Variants in ZNF878 observed in about 807,000 individuals in gnomAD.
ZNF878 encodes zinc finger protein 878.
ZNF878 carries 10 observed loss-of-function variants against 11.1 expected under a neutral mutation model. The observed-to-expected ratio is 0.90, with a 90% confidence interval of 0.56 to 1.53. The LOEUF is 1.53. Among genes scored for constraint, ZNF878 ranks in the 40% most tolerant of loss-of-function variants. The pLI, the probability that ZNF878 is intolerant of heterozygous loss-of-function variation, is 0.00. For synonymous variants in ZNF878, 165 were observed against 209.7 expected, an observed-to-expected ratio of 0.79 and a Z score of 1.84; for missense variants, 548 against 626.1, an observed-to-expected ratio of 0.88 and a Z score of 1.33.
intron 3 of ZNF878, 137 bp downstream of exon 3, chr19:12,046,231 T>A: frequency 1.5e-6 from 1 of 669,874 alleles, no homozygotes; most frequent in Non-Finnish European, 2.5e-6. Flanking sequence ...TCACACTTTA[T>A]ATGTTTCTAG....
intron 1 of ZNF878, among the ~76,000 whole-genome samples, chr19:12,048,844 AAAAGAAAAG>A (rs1177463521): frequency 0.031 from 4,646 of 148,028 alleles, 263 homozygotes; most frequent in African/African-American, 0.12. Flanking sequence ...AAAAAAAAAA[AAAAGAAAAG>A]AAAAAGAAAA....
In ZNF878 at chr19:12,044,570, G is replaced by A; in HGVS notation, c.831C>T (p.His277=). 3 of 1,614,050 alleles carry A rather than the reference G, an allele frequency of 1.9e-6. No homozygotes were observed. The South Asian group carries it at 3.3e-5, about 18-fold the overall frequency. The change falls in exon 4 of 4, where the codon CAC becomes CAT. Residue 277 remains histidine (H), a synonymous_variant. Coordinates refer to ENST00000547628, the MANE Select transcript of ZNF878 (RefSeq NM_001080404.3). ...TACACTCATAGGGTTTCTCTCCACT[G>A]TGAGTCCTTTCATGATATTGAAAGG... ...PSSFQYHERT[H]SGEKPYECTQ...
chr19:12,048,626 G>A (rs971693185), intron 1 of ZNF878, among the ~76,000 whole-genome samples: 7 of 151,868 alleles, frequency 4.6e-5, no homozygotes, highest in African/African-American at 1.7e-4. Context: ...CTGAGCTCAG[G>A]AGTTCGAGAC....
At chr19:12,050,756 C>T (rs1975541475) in intron 1 of ZNF878, among the ~76,000 whole-genome samples, 1 of 152,138 alleles carries the variant, frequency 6.6e-6, no homozygotes, top group Non-Finnish European at 1.5e-5. Context: ...GCCATCACAT[C>T]TTCTGAAGCT....
Position 12,044,154 on chromosome 19 carries a change from G to T in ZNF878, c.1247C>A (p.Thr416Asn), listed in dbSNP as rs976731303. Residue 416 changes from threonine to asparagine, a missense_variant, in exon 4 of 4, where the codon ACT becomes AAT. Thr to Asn is a moderately conservative substitution (Grantham distance 65, BLOSUM62 0). Around this residue, in one of 3 missense-constraint regions of ZNF878, gnomAD observed 335 missense variants for 358.2 expected, o/e 0.94. Transcript: ENST00000547628. ...TCCATAGGGTTTCTCTCCTGTGTGA[G>T]TTCGTATGTGCTTTTGAAGGACTGA... The part of the protein sequence containing the change: ...SASVLQKHIR[T>N]HTGEKPYGCK... 2.5e-6 allele frequency: 4 copies of T among 1,613,048 alleles called. No individual in the cohort carries two copies. The African/African-American group carries it at 4.0e-5, about 16-fold the overall frequency.
chr19:12,044,913 C>A lies in ZNF878; in HGVS notation c.488G>T (p.Arg163Ile). ...RFPSSVRRHE[R>I]IHSAKKPYEC... Reference sequence around the variant, plus strand: ...ATAGGGTTTTTTTGCAGAGTGGATTCTTTCATGTCTACGAACAGAACTGGG... The same window carrying A: ...ATAGGGTTTTTTTGCAGAGTGGATTATTTCATGTCTACGAACAGAACTGGG... Residue 163 changes from arginine to isoleucine, a missense_variant, in exon 4 of 4, where the codon AGA becomes ATA. Coordinates refer to ENST00000547628, the MANE Select transcript of ZNF878 (RefSeq NM_001080404.3). 2 of 1,614,128 alleles carry A rather than the reference C, an allele frequency of 1.2e-6. No individual in the cohort carries two copies. Among genetic ancestry groups the A allele is most frequent in the Non-Finnish European group, 1.7e-6 (2 of 1,180,018 alleles).
At chr19:12,052,119 A>G (rs1198453949) in intron 1 of ZNF878, among the ~76,000 whole-genome samples, 5 of 152,146 alleles carry the variant, frequency 3.3e-5, no homozygotes, top group African/African-American at 4.8e-5. Context: ...CTTTCGGCCA[A>G]AGGAACTTAC....
In ZNF878 at chr19:12,044,910, A is replaced by C; in HGVS notation, c.491T>G (p.Ile164Ser). ...FPSSVRRHER[I>S]HSAKKPYECK... The stretch of plus-strand genomic sequence containing the variant: ...TTCATAGGGTTTTTTTGCAGAGTGG[A>C]TTCTTTCATGTCTACGAACAGAACT... The change falls in exon 4 of 4, where the codon ATC (isoleucine) becomes AGC (serine). Residue 164 changes from isoleucine to serine, a missense_variant. Physicochemically the swap from Ile to Ser is moderately radical, Grantham distance 142. Transcript: ENST00000547628. 3 of 1,613,550 alleles carry C rather than the reference A, an allele frequency of 1.9e-6. No homozygotes were observed. The highest frequency in any genetic ancestry group is 2.5e-6 in the Non-Finnish European group (3 of 1,179,868).
chr19:12,050,824 G>A (rs1320929638), intron 1 of ZNF878, among the ~76,000 whole-genome samples: 1 of 152,156 alleles, frequency 6.6e-6, no homozygotes, highest in Non-Finnish European at 1.5e-5. Context: ...GCCGCGCGCG[G>A]TGGCTCACGC....
chr19:12,052,877 G>C lies in ZNF878; in HGVS notation c.-76C>G, dbSNP rs1321677790. On this transcript the variant is annotated 5_prime_UTR_variant, in exon 1 of 4. Transcript: ENST00000547628. Reference sequence around the variant, plus strand: ...TGCAGGTCACAGCGCAGTCGACAGAGCAACAGCAGCTACGGCGGAAGTAAC... The same window carrying C: ...TGCAGGTCACAGCGCAGTCGACAGACCAACAGCAGCTACGGCGGAAGTAAC... 1 of 1,524,532 alleles carries C rather than the reference G, an allele frequency of 6.6e-7. No individual in the cohort carries two copies. The highest frequency in any genetic ancestry group is 1.4e-5 in the African/African-American group (1 of 72,728). The allele number at this position is 1,524,532 out of a possible 1,614,324, so 94.4% of individuals were successfully genotyped here.
Position 12,044,153 on chromosome 19 carries a change from A to G in ZNF878, c.1248T>C (p.Thr416=), listed in dbSNP as rs768741512. The change falls in exon 4 of 4, where the codon ACT becomes ACC. Residue 416 remains threonine, a synonymous_variant. Transcript: ENST00000547628. ...ATCCATAGGGTTTCTCTCCTGTGTG[A>G]GTTCGTATGTGCTTTTGAAGGACTG... is the stretch of plus-strand genomic sequence containing the variant. The part of the protein sequence containing the change: ...SASVLQKHIR[T]HTGEKPYGCK... The G allele has an allele frequency of 1.2e-6, 2 of 1,611,588 alleles. No homozygotes were observed. The highest frequency in any genetic ancestry group is 1.7e-6 in the Non-Finnish European group (2 of 1,179,504).
intron 3 of ZNF878, among the ~76,000 whole-genome samples, chr19:12,045,606 C>T (rs186450608): frequency 3.9e-4 from 59 of 151,956 alleles, no homozygotes; most frequent in East Asian, 1.2e-3. Context: ...GAGATCACAC[C>T]GCTGCACTCC....
Position 12,044,520 on chromosome 19 carries a change from G to T in ZNF878, c.881C>A (p.Ser294Tyr). The T allele has an allele frequency of 6.2e-7, 1 of 1,613,620 alleles. No individual in the cohort carries two copies. The highest frequency in any genetic ancestry group is 8.5e-7 in the Non-Finnish European group (1 of 1,179,878). The stretch of plus-strand genomic sequence containing the variant: ...TTCATGTACTCGCAGGTACTTGACA[G>T]ATCTGAAGGCTTTCCTACATTGTGT... ...ECTQCRKAFR[S>Y]VKYLRVHERK... Residue 294 changes from serine to tyrosine, a missense_variant, in exon 4 of 4, where the codon TCT becomes TAT. Ser to Tyr is a moderately radical substitution (Grantham distance 144). Coordinates refer to ENST00000547628, the MANE Select transcript of ZNF878 (RefSeq NM_001080404.3).
At chr19:12,045,294 C>T in intron 3 of ZNF878, 85 bp from the exon 4 acceptor site, 1 of 1,121,018 alleles carries the variant, frequency 8.9e-7, no homozygotes, top group African/African-American at 1.6e-5. Context: ...TTTAACAGTG[C>T]CCAGCAAAGT....
rs1975441515 is a variant in ZNF878 at position 12,044,502 on chromosome 19, A to G, written c.899T>C (p.Val300Ala). 1.2e-6 allele frequency: 2 copies of G among 1,610,628 alleles called. No individual in the cohort carries two copies. Residue 300 changes from valine (V) to alanine (A), a missense_variant, in exon 4 of 4, where the codon GTA becomes GCA. Val to Ala is a moderately conservative substitution (Grantham distance 64). Around this residue, in one of 3 missense-constraint regions of ZNF878, gnomAD observed 335 missense variants for 358.2 expected, o/e 0.94. Transcript: ENST00000547628. ...CTCTCCAGTGTGTTTTCTTTCATGT[A>G]CTCGCAGGTACTTGACAGATCTGAA... ...KAFRSVKYLR[V>A]HERKHTGEKP...
At chr19:12,046,057 G>C (rs961503159) in intron 3 of ZNF878, 1 of 273,052 alleles carries the variant, frequency 3.7e-6, no homozygotes, top group African/African-American at 2.2e-5. Context: ...TTATAAATAC[G>C]GTCTTTGTCT....
rs776012672 is a variant in ZNF878, at chr19:12,044,009, A to C, written c.1392T>G (p.Asn464Lys). The change falls in exon 4 of 4, where the codon AAT becomes AAG. Residue 464 changes from asparagine to lysine, a missense_variant. Around this residue, in one of 3 missense-constraint regions of ZNF878, gnomAD observed 335 missense variants for 358.2 expected, o/e 0.94. Transcript: ENST00000547628. Reference sequence around the variant, plus strand: ...GAGTCCTTTTATGATAGCGAATAGAATTAGAAGAAATGAAGGCTTTTCCAC... The same window carrying C: ...GAGTCCTTTTATGATAGCGAATAGACTTAGAAGAAATGAAGGCTTTTCCAC... ...KQCGKAFISS[N>K]SIRYHKRTHT... is the part of the protein sequence containing the mutation. 4 of 1,609,632 alleles carry C rather than the reference A, an allele frequency of 2.5e-6. No individual in the cohort carries two copies. Among genetic ancestry groups the C allele is most frequent in the Non-Finnish European group, 3.4e-6 (4 of 1,177,422 alleles).
At position 12,044,704 on chromosome 19, in the gene ZNF878, C is replaced by T; in HGVS notation, c.697G>A (p.Gly233Arg). The T allele has an allele frequency of 1.2e-6, 2 of 1,614,114 alleles. No individual in the cohort carries two copies. The highest frequency in any genetic ancestry group is 1.3e-5 in the African/African-American group (1 of 75,024). Residue 233 changes from glycine (G) to arginine (R), a missense_variant, in exon 4 of 4, where the codon GGG becomes AGG. Physicochemically the swap from Gly to Arg is moderately radical, Grantham distance 125. Transcript: ENST00000547628. ...GERPHKCNIC[G>R]KAFFSPSSLK... ...GAACTGGGAGAAAAAAAGGCTTTCC[C>T]ACATATGTTACATTTATGAGGTCTC...
intron 1 of ZNF878, among the ~76,000 whole-genome samples, chr19:12,048,391 G>A (rs898493890): frequency 3.3e-5 from 5 of 151,696 alleles, no homozygotes; most frequent in South Asian, 2.1e-4. Context: ...GGTGGCGGGC[G>A]CCTATAGTCC....
Sources: gnomAD v4.1 joint callset for allele counts (sites outside exome capture counted in the v4.1 genomes callset) on GRCh38, gnomAD v4.1.1 for gene constraint, gnomAD v4.1.1 regional missense constraint, MANE v1.5 for transcripts, NCBI Gene and HGNC (gene_info 2026-07-23, HGNC 2026-07-21) for gene names.